The following PIK3R5 variants were observed in gnomAD, a reference collection of about 807,000 sequenced individuals.
PIK3R5 encodes phosphoinositide-3-kinase regulatory subunit 5.
A neutral mutation model predicts 94.9 loss-of-function variants in PIK3R5; 32 were observed. The ratio of observed to expected loss-of-function variants is 0.34; its 90% confidence interval spans 0.25 to 0.45. The LOEUF (loss-of-function observed/expected upper bound fraction) is 0.45, where lower values mean the gene tolerates loss of function less well. PIK3R5 is among the 20% of genes least tolerant of loss of function. The probability of loss-of-function intolerance (pLI) is 1.00; values close to 1 mark genes in which losing one functional copy is unlikely to be tolerated. For missense variants in PIK3R5, 853 were observed against 1,144.6 expected (o/e 0.75, Z 3.68); for synonymous variants, 443 against 479.4 (o/e 0.92, Z 0.99).
rs770246508 is a variant in PIK3R5 at position 8,887,543 on chromosome 17, G to C, written c.1757C>G (p.Ser586Cys). 1 of 1,607,756 alleles carries C rather than the reference G, an allele frequency of 6.2e-7. No homozygotes were observed. Among genetic ancestry groups the C allele is most frequent in the South Asian group, 1.1e-5 (1 of 89,760 alleles). Residue 586 changes from serine (S) to cysteine (C), a missense_variant, in exon 11 of 19, where the codon TCC (serine) becomes TGC (cysteine). Coordinates refer to ENST00000447110, the MANE Select transcript of PIK3R5 (RefSeq NM_001142633.3). ...RSQTPSPPTD[S>C]PRHASPGELG... ...TACTCCAGGGCTGGCGTGCCTAGGGGAGTCTGTCGGGGGTGAGGGCGTCTG... is the reference window on the plus strand; with the variant it reads ...TACTCCAGGGCTGGCGTGCCTAGGGCAGTCTGTCGGGGGTGAGGGCGTCTG...
chr17:8,890,247 A>G lies in PIK3R5; in HGVS notation c.658-121T>C. 2.0e-6 allele frequency: 2 copies of G among 1,008,982 alleles called. No individual in the cohort carries two copies. The highest frequency in any genetic ancestry group is 2.9e-6 in the Non-Finnish European group (2 of 680,396). The allele number at this position is 1,008,982 out of a possible 1,614,324, so 62.5% of individuals were successfully genotyped here. On this transcript the variant is annotated intron_variant, in intron 7 of 18. Coordinates refer to ENST00000447110, the MANE Select transcript of PIK3R5 (RefSeq NM_001142633.3). This position sits in a 1 kb window ranked among gnomAD's most constrained non-coding sequence, Gnocchi z 6.1. ...CTGTCCCCTCCCAGCCTCATCACCC[A>G]TCTCCTACCCACAGCTGGCCAGGCA...
At chr17:8,914,924 G>A (rs551305349) in intron 1 of PIK3R5, among the ~76,000 whole-genome samples, 2 of 152,328 alleles carry the variant, frequency 1.3e-5, no homozygotes, top group South Asian at 4.1e-4. Flanking sequence ...AGCTGGATGG[G>A]GCAGGTTAAA....
rs1196777279 is a variant in PIK3R5 at position 8,893,534 on chromosome 17, AG to A, written c.482+51del. The A allele has an allele frequency of 7.1e-7, 1 of 1,400,288 alleles. No individual in the cohort carries two copies. Among genetic ancestry groups the A allele is most frequent in the East Asian group, 2.3e-5 (1 of 43,882 alleles). 86.7% of individuals were successfully genotyped at this position (1,400,288 alleles called of 1,614,324 possible). ...GAGGAGGGTGAAGGTGGAACAGTGC[AG>A]GGGTCCCAAACTCCCTCCCCACTGT... On this transcript the variant is annotated intron_variant, in intron 6 of 18. Coordinates refer to ENST00000447110, the MANE Select transcript of PIK3R5 (RefSeq NM_001142633.3). The surrounding 1 kb of genome is among the most constrained non-coding windows in gnomAD (Gnocchi z 5.1).
chr17:8,948,725 T>C (rs1597431061), intron 1 of PIK3R5, among the ~76,000 whole-genome samples: 1 of 152,174 alleles, frequency 6.6e-6, no homozygotes, highest in Admixed American at 6.5e-5. Context: ...GAATGTACGC[T>C]GGTACGACAA....
chr17:8,921,511 A>G (rs1314735455), intron 1 of PIK3R5, among the ~76,000 whole-genome samples: 1 of 152,230 alleles, frequency 6.6e-6, no homozygotes, highest in African/African-American at 2.4e-5. Flanking sequence ...ATCAACTGAA[A>G]AATGGTCATA....
intron 3 of PIK3R5, among the ~76,000 whole-genome samples, chr17:8,907,850 C>T (rs1477760110): frequency 1.3e-5 from 2 of 152,052 alleles, no homozygotes; most frequent in Non-Finnish European, 2.9e-5. Context: ...GTTGCCCAGG[C>T]TGGTCTTGAA....
intron 15 of PIK3R5, among the ~76,000 whole-genome samples, chr17:8,883,801 T>A (rs1418153466): frequency 1.3e-5 from 2 of 152,132 alleles, no homozygotes; most frequent in East Asian, 3.9e-4. Context: ...GGCCAGCAGG[T>A]CTCCTGGGAC....
At chr17:8,938,098 A>G (rs947923017) in intron 1 of PIK3R5, among the ~76,000 whole-genome samples, 1 of 152,214 alleles carries the variant, frequency 6.6e-6, no homozygotes, top group Non-Finnish European at 1.5e-5. Context: ...CATGTGAGCC[A>G]CCGCACCCGG....
At position 8,913,698 on chromosome 17, in the gene PIK3R5, C is replaced by T. The variant is rs557020984; in HGVS notation, c.-13-2191G>A. ...CTGCACCCCAGCCTGGGTGACAGAG[C>T]GAGATTCCATCTCAAAAAGAAAACA... On this transcript the variant is annotated intron_variant, in intron 1 of 18. Coordinates refer to ENST00000447110, the MANE Select transcript of PIK3R5 (RefSeq NM_001142633.3). Among the ~76,000 whole-genome samples, 27 of 152,284 alleles carry T rather than the reference C, an allele frequency of 1.8e-4. No homozygotes were observed. In the South Asian group the frequency reaches 3.5e-3, roughly 20 times the overall value.
rs1182768142 is a variant in PIK3R5, at chr17:8,889,726, C to A, written c.811+247G>T. Among the ~76,000 whole-genome samples the A allele has an allele frequency of 6.6e-6, 1 of 152,118 alleles. No homozygotes were observed. Among genetic ancestry groups the A allele is most frequent in the African/African-American group, 2.4e-5 (1 of 41,388 alleles). Reference sequence around the variant, plus strand: ...CATCACCTTCAACAGAAAAGCCCAGCCTTTGCCCTCGTAAGCACTCTCTTT... The same window carrying A: ...CATCACCTTCAACAGAAAAGCCCAGACTTTGCCCTCGTAAGCACTCTCTTT... On this transcript the variant is annotated intron_variant, in intron 8 of 18. Coordinates refer to ENST00000447110, the MANE Select transcript of PIK3R5 (RefSeq NM_001142633.3). This position sits in a 1 kb window ranked among gnomAD's most constrained non-coding sequence, Gnocchi z 4.1.
rs759763454 is a variant in PIK3R5, at chr17:8,888,478, G to A, written c.1309C>T (p.Arg437Trp). The A allele has an allele frequency of 4.4e-6, 7 of 1,604,164 alleles. No individual in the cohort carries two copies. The highest frequency in any genetic ancestry group is 1.3e-5 in the African/African-American group (1 of 74,846). Residue 437 changes from arginine to tryptophan, a missense_variant, in exon 10 of 19, where the codon CGG (arginine) becomes TGG (tryptophan). By Grantham distance (101) the Arg-to-Trp change is moderately radical. This residue lies in a region of PIK3R5 where 319 missense variants were observed against 339.8 expected (regional missense o/e 0.94). Transcript: ENST00000447110. The surrounding 1 kb of genome is among the most constrained non-coding windows in gnomAD (Gnocchi z 7.8). The stretch of plus-strand genomic sequence containing the variant: ...CCCTCCAGGCTCCGAGAGTCCCTCC[G>A]CAGTACCAGCTGGCTGGTGCTCTTG... The part of the protein sequence containing the change: ...LFKSTSQLVL[R>W]RDSRSLEGSS...
intron 12 of PIK3R5, among the ~76,000 whole-genome samples, 196 bp from the exon 13 acceptor site, chr17:8,886,801 G>A (rs983185131): frequency 6.6e-6 from 1 of 152,166 alleles, no homozygotes. Context: ...TGGCCTCCAG[G>A]GAGGCTTCTG....
rs2089759143 is a variant in PIK3R5 at position 8,884,403 on chromosome 17, T to G, written c.2205+304A>C. On this transcript the variant is annotated intron_variant, in intron 15 of 18. Coordinates refer to ENST00000447110, the MANE Select transcript of PIK3R5 (RefSeq NM_001142633.3). The surrounding 1 kb of genome is among the most constrained non-coding windows in gnomAD (Gnocchi z 5.8). ...CTGAGGTGCCTCTGGAAGGCTTCCC[T>G]TTCCCCCTTTCAGCCCCAGCCCTGT... Among the ~76,000 whole-genome samples the G allele has an allele frequency of 6.6e-6, 1 of 151,312 alleles. No homozygotes were observed. The highest frequency in any genetic ancestry group is 2.4e-5 in the African/African-American group (1 of 41,098).
At chr17:8,960,559 T>A (rs2091545366) in intron 1 of PIK3R5, among the ~76,000 whole-genome samples, 2 of 152,190 alleles carry the variant, frequency 1.3e-5, no homozygotes, top group Admixed American at 6.5e-5. Context: ...ACAAGTGAAA[T>A]GTTAGCGATT....
At chr17:8,949,625 G>C (rs1332640357) in intron 1 of PIK3R5, among the ~76,000 whole-genome samples, 1 of 152,180 alleles carries the variant, frequency 6.6e-6, no homozygotes, top group Non-Finnish European at 1.5e-5. Flanking sequence ...AACCTGAATA[G>C]GATTGGACAC....
chr17:8,928,340 G>C (rs1567660107), intron 1 of PIK3R5, among the ~76,000 whole-genome samples: 1 of 152,098 alleles, frequency 6.6e-6, no homozygotes, highest in Non-Finnish European at 1.5e-5. Context: ...AAAAGTACTT[G>C]AATAAATAAT....
chr17:8,897,143 A>C (rs1215505169), intron 5 of PIK3R5, among the ~76,000 whole-genome samples: 1 of 152,216 alleles, frequency 6.6e-6, no homozygotes, highest in Non-Finnish European at 1.5e-5. Flanking sequence ...TTGGGGACTC[A>C]TGGCTGTGGG....
At position 8,887,564 on chromosome 17, in the gene PIK3R5, G is replaced by A. The variant is rs767373092; in HGVS notation, c.1736C>T (p.Thr579Met). 18 of 1,608,204 alleles carry A rather than the reference G, an allele frequency of 1.1e-5. No individual in the cohort carries two copies. The East Asian group carries it at 1.3e-4, about 12-fold the overall frequency. Residue 579 changes from threonine (T) to methionine (M), a missense_variant, in exon 11 of 19, where the codon ACG becomes ATG. Physicochemically the swap from Thr to Met is moderately conservative, Grantham distance 81. Transcript: ENST00000447110. ...PGACPPPRSQ[T>M]PSPPTDSPRH... Reference sequence around the variant, plus strand: ...AGGGGAGTCTGTCGGGGGTGAGGGCGTCTGGCTCCGAGGGGGTGGACAGGC... The same window carrying A: ...AGGGGAGTCTGTCGGGGGTGAGGGCATCTGGCTCCGAGGGGGTGGACAGGC...
intron 1 of PIK3R5, among the ~76,000 whole-genome samples, chr17:8,919,189 G>A (rs2090684294): frequency 6.6e-6 from 1 of 152,228 alleles, no homozygotes; most frequent in African/African-American, 2.4e-5. Context: ...TTCAAATGAG[G>A]TCTGTCGTTT....
Sources: gnomAD v4.1 joint callset for allele counts (sites outside exome capture counted in the v4.1 genomes callset) on GRCh38, gnomAD v4.1.1 for gene constraint, gnomAD v4.1.1 regional missense constraint, Gnocchi (gnomAD v3.1) non-coding constraint, MANE v1.5 for transcripts, NCBI Gene and HGNC (gene_info 2026-07-23, HGNC 2026-07-21) for gene names.